The following THOP1 variants were observed in gnomAD, a reference collection of about 807,000 sequenced individuals.
The protein encoded by THOP1 is thimet oligopeptidase 1.
A neutral mutation model predicts 71.8 loss-of-function variants in THOP1; 49 were observed. That is an observed-to-expected ratio of 0.68 (90% CI 0.54 to 0.87). The LOEUF (loss-of-function observed/expected upper bound fraction) is 0.87. Among genes scored for constraint, THOP1 ranks in the 40% least tolerant of loss-of-function variants. THOP1 has a pLI of 0.00. For synonymous variants in THOP1, 426 were observed against 421.5 expected, an observed-to-expected ratio of 1.01 and a Z score of -0.13; for missense variants, 843 against 975.6, an observed-to-expected ratio of 0.86 and a Z score of 1.81.
In THOP1 at chr19:2,790,540, C is replaced by A; in HGVS notation, c.136C>A (p.Arg46Ser). ...CAGGGAGCTCATCGAGCAGACCAAG[C>A]GCGTGTATGACCAGGTTGGCACCCA... ...RTRELIEQTK[R>S]VYDQVGTQEF... Residue 46 changes from arginine to serine, a missense_variant, in exon 2 of 13, where the codon CGC (arginine) becomes AGC (serine). Physicochemically the swap from Arg to Ser is moderately radical, Grantham distance 110 (BLOSUM62 -1). Transcript: ENST00000307741. 6.2e-7 allele frequency: 1 copy of A among 1,608,030 alleles called. No individual in the cohort carries two copies. The highest frequency in any genetic ancestry group is 1.1e-5 in the South Asian group (1 of 90,278).
Position 2,790,640 on chromosome 19 carries a change from C to G in THOP1, c.229+7C>G, listed in dbSNP as rs1915854545. On this transcript the variant is annotated splice_region_variant and intron_variant, in intron 2 of 12. Coordinates refer to ENST00000307741, the MANE Select transcript of THOP1 (RefSeq NM_003249.5). ...GTGGAGGTCACCTACACAGGTAAGT[C>G]CCAGGCAGGGTCTGTGCGTGGGCCG... The G allele has an allele frequency of 6.5e-7, 1 of 1,538,234 alleles. No homozygotes were observed. The highest frequency in any genetic ancestry group is 8.7e-7 in the Non-Finnish European group (1 of 1,143,092).
rs776625818 is a variant in THOP1 at position 2,785,688 on chromosome 19, A to G, written c.16+10A>G. Reference sequence around the variant, plus strand: ...ATGAAGCCCCCCGCAGGTACCGACTACCCCGCTCGCCGGACCCGGGCGTCC... The same window carrying G: ...ATGAAGCCCCCCGCAGGTACCGACTGCCCCGCTCGCCGGACCCGGGCGTCC... On this transcript the variant is annotated intron_variant, in intron 1 of 12. Coordinates refer to ENST00000307741, the MANE Select transcript of THOP1 (RefSeq NM_003249.5). The G allele has an allele frequency of 2.1e-6, 3 of 1,456,278 alleles. No homozygotes were observed. Among genetic ancestry groups the G allele is most frequent in the Non-Finnish European group, 1.8e-6 (2 of 1,099,414 alleles). The allele number at this position is 1,456,278 out of a possible 1,614,324, so 90.2% of individuals were successfully genotyped here. A position where few individuals can be genotyped will look rare whatever the true frequency, so the allele number is the denominator to read the frequency against.
In THOP1 at chr19:2,794,693, G is replaced by A. The variant is rs566624118; in HGVS notation, c.230-71G>A. ...TTCAGCAGACAGGCCTGGGAGAGGG[G>A]TCCGGGCAACACCTGCCAGTTGTAC... On this transcript the variant is annotated intron_variant, in intron 2 of 12. Coordinates refer to ENST00000307741, the MANE Select transcript of THOP1 (RefSeq NM_003249.5). 70 of 1,545,110 alleles carry A rather than the reference G, an allele frequency of 4.5e-5. No homozygotes were observed. In the African/African-American group the frequency reaches 8.4e-4, roughly 19 times the overall value.
rs1279814325 is a variant in THOP1 at position 2,808,287 on chromosome 19, G to A, written c.1298G>A (p.Gly433Asp). 13 of 1,564,958 alleles carry A rather than the reference G, an allele frequency of 8.3e-6. No homozygotes were observed. Among genetic ancestry groups the A allele is most frequent in the African/African-American group, 1.4e-5 (1 of 73,886 alleles). ...GHAACFGLQP[G>D]CLRQDGSRQI... ...GCGGCCTGCTTTGGCCTGCAGCCCG[G>A]CTGCCTGCGGCAGGATGGGAGCCGC... is the stretch of plus-strand genomic sequence containing the variant. The change falls in exon 9 of 13, where the codon GGC becomes GAC. Residue 433 changes from glycine (G) to aspartate (D), a missense_variant. By Grantham distance (94) the Gly-to-Asp change is moderately conservative. Coordinates refer to ENST00000307741, the MANE Select transcript of THOP1 (RefSeq NM_003249.5).
intron 5 of THOP1, among the ~76,000 whole-genome samples, chr19:2,802,736 G>A (rs1916184546): frequency 6.6e-6 from 1 of 152,226 alleles, no homozygotes; most frequent in South Asian, 2.1e-4. Context: ...GTCCATGGAT[G>A]ACTTCTGCCG....
chr19:2,796,023 G>T (rs1736180), intron 3 of THOP1, 58 bp from the exon 4 acceptor site: 1 of 1,403,536 alleles, frequency 7.1e-7, no homozygotes, highest in South Asian at 1.2e-5. Flanking sequence ...CTGCCAAACT[G>T]CTCTTTGGAG....
intron 9 of THOP1, 148 bp from the exon 10 acceptor site, chr19:2,810,156 G>A (rs920319827): frequency 1.1e-5 from 12 of 1,046,470 alleles, no homozygotes; most frequent in African/African-American, 8.2e-5. Flanking sequence ...GGTCCCGGTC[G>A]TTTTCCAGTT....
chr19:2,805,262 G>C lies in THOP1; in HGVS notation c.750+86G>C. The C allele has an allele frequency of 1.4e-6, 2 of 1,443,726 alleles. No individual in the cohort carries two copies. The highest frequency in any genetic ancestry group is 1.8e-6 in the Non-Finnish European group (2 of 1,084,664). 89.4% of individuals were successfully genotyped at this position (1,443,726 alleles called of 1,614,324 possible). A position where few individuals can be genotyped will look rare whatever the true frequency, so the allele number is the denominator to read the frequency against. Reference sequence around the variant, plus strand: ...GCTCCATGTGTGTGAGGCACCTCCAGGCTTTGCACTTGGATGGCCTCCCAA... The same window carrying C: ...GCTCCATGTGTGTGAGGCACCTCCACGCTTTGCACTTGGATGGCCTCCCAA... On this transcript the variant is annotated intron_variant, in intron 6 of 12. Transcript: ENST00000307741. This position sits in a 1 kb window ranked among gnomAD's most constrained non-coding sequence, Gnocchi z 6.6.
chr19:2,808,521 G>C, intron 9 of THOP1, 77 bp downstream of exon 9: 1 of 1,442,252 alleles, frequency 6.9e-7, no homozygotes, highest in Non-Finnish European at 9.2e-7. Context: ...CCCAAGCCTG[G>C]GGCTTCGGCT....
intron 4 of THOP1, 143 bp from the exon 5 acceptor site, chr19:2,799,546 C>G (rs552336663): frequency 5.6e-5 from 36 of 645,590 alleles, no homozygotes; most frequent in Admixed American, 1.2e-4. Flanking sequence ...CCGTCTCACT[C>G]TTTCCTCCTC....
At chr19:2,791,668 G>A (rs1443438049) in intron 2 of THOP1, among the ~76,000 whole-genome samples, 2 of 152,194 alleles carry the variant, frequency 1.3e-5, no homozygotes, top group African/African-American at 4.8e-5. Context: ...GGAGTCTCAT[G>A]AGGCTCAGGT....
intron 7 of THOP1, 124 bp downstream of exon 7, chr19:2,807,176 C>T: frequency 7.4e-7 from 1 of 1,342,820 alleles, no homozygotes; most frequent in South Asian, 1.6e-5. Flanking sequence ...ACTTCTGACG[C>T]CTGCCCTGGC....
At position 2,806,853 on chromosome 19, in the gene THOP1, G is replaced by A. The variant is rs114060477; in HGVS notation, c.751-64G>A. 2.9e-3 allele frequency: 4,635 copies of A among 1,608,090 alleles called. 108 individuals are homozygous for A. The African/African-American group carries it at 0.053, about 18-fold the overall frequency. The stretch of plus-strand genomic sequence containing the variant: ...TGAGCCTTTGGCCCTGGGACAGGGC[G>A]TGCTGGCCCTGGAGGTGGAGGGAGT... On this transcript the variant is annotated intron_variant, in intron 6 of 12. Coordinates refer to ENST00000307741, the MANE Select transcript of THOP1 (RefSeq NM_003249.5).
intron 7 of THOP1, 138 bp downstream of exon 7, chr19:2,807,190 C>T: frequency 7.7e-7 from 1 of 1,306,294 alleles, no homozygotes; most frequent in Non-Finnish European, 1.0e-6. Flanking sequence ...CCCTGGCTCC[C>T]TCACTCCCCC....
chr19:2,800,872 C>T (rs1365507951), intron 5 of THOP1, among the ~76,000 whole-genome samples: 1 of 152,066 alleles, frequency 6.6e-6, no homozygotes, highest in African/African-American at 2.4e-5. Context: ...TCCCCGCGGC[C>T]ACCCGCACCA....
At chr19:2,800,257 C>T (rs1916115437) in intron 5 of THOP1, among the ~76,000 whole-genome samples, 2 of 152,218 alleles carry the variant, frequency 1.3e-5, no homozygotes, top group African/African-American at 4.8e-5. Context: ...GCGACCTCCA[C>T]TCACTGCAAC....
chr19:2,808,058 A>T, intron 8 of THOP1, 185 bp from the exon 9 acceptor site: 1 of 781,660 alleles, frequency 1.3e-6, no homozygotes, highest in Non-Finnish European at 2.0e-6. Flanking sequence ...GAGGGATGGC[A>T]GCCGGGGCCT....
At chr19:2,794,442 G>A (rs1915962190) in intron 2 of THOP1, among the ~76,000 whole-genome samples, 1 of 152,224 alleles carries the variant, frequency 6.6e-6, no homozygotes, top group Admixed American at 6.5e-5. Flanking sequence ...CTCTGGAATG[G>A]AATTCCGTCA....
chr19:2,785,513 G>C lies in THOP1; in HGVS notation c.-150G>C, dbSNP rs1385183687. The stretch of plus-strand genomic sequence containing the variant: ...TGCGCGCGCCGCCCCAGCATGCCCC[G>C]GGAGCGCGGGCGGCGGGCCCCTTGG... On this transcript the variant is annotated 5_prime_UTR_variant, in exon 1 of 13. Transcript: ENST00000307741. The C allele has an allele frequency of 6.0e-6, 5 of 832,196 alleles. No individual in the cohort carries two copies. The East Asian group carries it at 1.7e-4, about 29-fold the overall frequency. The allele number at this position is 832,196 out of a possible 1,614,324, so 51.6% of individuals were successfully genotyped here.
Sources: gnomAD v4.1 joint callset for allele counts (sites outside exome capture counted in the v4.1 genomes callset) on GRCh38, gnomAD v4.1.1 for gene constraint, Gnocchi (gnomAD v3.1) non-coding constraint, MANE v1.5 for transcripts, NCBI Gene and HGNC (gene_info 2026-07-23, HGNC 2026-07-21) for gene names.